Variants in VCPIP1 observed in about 807,000 individuals in gnomAD.
The protein encoded by VCPIP1 is valosin containing protein interacting protein 1.
Under a neutral mutation model 85.0 loss-of-function variants are expected in VCPIP1, and 8 were observed. The observed-to-expected ratio is 0.09, with a 90% CI of 0.06 to 0.17. The LOEUF (loss-of-function observed/expected upper bound fraction) is 0.17, where lower values mean the gene tolerates loss of function less well. VCPIP1 is among the 10% of genes least tolerant of loss of function. The pLI is 1.00. For missense variants in VCPIP1, 1,070 were observed against 1,486.3 expected (o/e 0.72, Z 4.61); for synonymous variants, 543 against 544.5 (o/e 1.00, Z 0.04).
At chr8:66,658,287 T>C (rs556531368) in intron 1 of VCPIP1, among the ~76,000 whole-genome samples, 14 of 146,578 alleles carry the variant, frequency 9.6e-5, no homozygotes, top group Admixed American at 2.8e-4. Context: ...TGAGCCGAGA[T>C]TGCACCACTG....
intron 2 of VCPIP1, among the ~76,000 whole-genome samples, chr8:66,648,681 A>G (rs145086479): frequency 2.0e-5 from 3 of 152,098 alleles, no homozygotes; most frequent in Admixed American, 1.3e-4. Context: ...CAGCCTCCCA[A>G]GTAGCTGGGA....
Position 66,643,114 on chromosome 8 carries a change from G to C in VCPIP1, c.2798-7742C>G, listed in dbSNP as rs541251253. ...GAGGTGTGCAGATCACCTGAGGTCAGGAGTTCTAGACCAGCCTGGCCAACA... is the reference window on the plus strand; with the variant it reads ...GAGGTGTGCAGATCACCTGAGGTCACGAGTTCTAGACCAGCCTGGCCAACA... On this transcript the variant is annotated intron_variant, in intron 2 of 2. Transcript: ENST00000310421. Among the ~76,000 whole-genome samples, 57 of 152,260 alleles carry C rather than the reference G, an allele frequency of 3.7e-4. 1 individual carries two copies. In the South Asian group the frequency reaches 0.012, roughly 31 times the overall value.
At chr8:66,662,181 C>T (rs1291588306) in intron 1 of VCPIP1, among the ~76,000 whole-genome samples, 6 of 152,122 alleles carry the variant, frequency 3.9e-5, no homozygotes, top group Non-Finnish European at 8.8e-5. Flanking sequence ...GTCACCTGTA[C>T]ATCAAAACTT....
At chr8:66,656,404 G>A (rs1264710506) in intron 1 of VCPIP1, among the ~76,000 whole-genome samples, 1 of 152,130 alleles carries the variant, frequency 6.6e-6, no homozygotes, top group East Asian at 1.9e-4. Flanking sequence ...TGTTGCCCAA[G>A]CTGGTCTTGA....
At chr8:66,638,875 G>A (rs1646422439) in intron 2 of VCPIP1, among the ~76,000 whole-genome samples, 1 of 151,256 alleles carries the variant, frequency 6.6e-6, no homozygotes, top group Admixed American at 6.6e-5. Flanking sequence ...GTATTATATA[G>A]TTAAAACTAA....
At chr8:66,658,277 T>C (rs1456848175) in intron 1 of VCPIP1, among the ~76,000 whole-genome samples, 1 of 145,948 alleles carries the variant, frequency 6.9e-6, no homozygotes, top group Admixed American at 7.1e-5. Flanking sequence ...GAGGTTGCAG[T>C]GAGCCGAGAT....
rs773064204 is a variant in VCPIP1 at position 66,665,771 on chromosome 8, A to T, written c.1188T>A (p.Gly396=). 3.7e-6 allele frequency: 6 copies of T among 1,614,060 alleles called. No individual in the cohort carries two copies. The highest frequency in any genetic ancestry group is 4.2e-6 in the Non-Finnish European group (5 of 1,180,024). ...KKYIKLEEDG[G]CVIGGDRSLQ... ...AACTTCTGTCACCTCCAATAACACAACCACCATCCTCTTCAAGTTTTATGT... is the reference window on the plus strand; with the variant it reads ...AACTTCTGTCACCTCCAATAACACATCCACCATCCTCTTCAAGTTTTATGT... Residue 396 remains glycine, a synonymous_variant, in exon 1 of 3, where the codon GGT becomes GGA. Coordinates refer to ENST00000310421, the MANE Select transcript of VCPIP1 (RefSeq NM_025054.5). The surrounding 1 kb of genome is among the most constrained non-coding windows in gnomAD (Gnocchi z 4.3).
rs146353153 is a variant in VCPIP1 at position 66,657,015 on chromosome 8, C to T, written c.2711-5471G>A. Among the ~76,000 whole-genome samples, 190 of 152,236 alleles carry T rather than the reference C, an allele frequency of 1.2e-3. 1 individual carries two copies. In the East Asian group the frequency reaches 0.021, roughly 17 times the overall value. ...CCACTTCCCGGGTTCAAGCAATTCT[C>T]GTGCCTCAGCCTCCCGAGTAGCTGG... is the stretch of plus-strand genomic sequence containing the variant. On this transcript the variant is annotated intron_variant, in intron 1 of 2. Transcript: ENST00000310421.
chr8:66,651,507 G>A lies in VCPIP1; in HGVS notation c.2748C>T (p.His916=). 2 of 1,613,490 alleles carry A rather than the reference G, an allele frequency of 1.2e-6. No homozygotes were observed. The highest frequency in any genetic ancestry group is 1.7e-6 in the Non-Finnish European group (2 of 1,179,842). Residue 916 remains histidine, a synonymous_variant, in exon 2 of 3, where the codon CAC becomes CAT. Coordinates refer to ENST00000310421, the MANE Select transcript of VCPIP1 (RefSeq NM_025054.5). Reference sequence around the variant, plus strand: ...AGAATACACCACCCTGCTGAAACATGTGAGGAAGTCCCTTTGCATAAGACC... The same window carrying A: ...AGAATACACCACCCTGCTGAAACATATGAGGAAGTCCCTTTGCATAAGACC... ...DVWSYAKGLP[H]MFQQGGVFYS...
rs1293728736 is a variant in VCPIP1 at position 66,638,441 on chromosome 8, C to CAT, written c.2798-3071_2798-3070dup. Among the ~76,000 whole-genome samples, 4 of 133,244 alleles carry CAT rather than the reference C, an allele frequency of 3.0e-5. No homozygotes were observed. In the South Asian group the frequency reaches 1.0e-3, roughly 33 times the overall value. 87.4% of individuals were successfully genotyped at this position (133,244 alleles called of 152,430 possible). ...GGTTGAGGCTGCAGGAAGTTGTGAT[C>CAT]ATACCACTGCGCTCCAGCCTGAGAG... On this transcript the variant is annotated intron_variant, in intron 2 of 2. Coordinates refer to ENST00000310421, the MANE Select transcript of VCPIP1 (RefSeq NM_025054.5).
chr8:66,645,759 CAAAAAAA>C (rs1179669993), intron 2 of VCPIP1, among the ~76,000 whole-genome samples: 2,230 of 57,482 alleles, frequency 0.039, 61 homozygotes, highest in African/African-American at 0.1. Flanking sequence ...CCTGTCTCTA[CAAAAAAA>C]AAAAAAAAAA....
chr8:66,654,323 A>G (rs112983199), intron 1 of VCPIP1, among the ~76,000 whole-genome samples: 11,766 of 152,282 alleles, frequency 0.077, 606 homozygotes, highest in Middle Eastern at 0.14. Context: ...TAAAAATACA[A>G]AAATTAGCCA....
rs999189497 is a variant in VCPIP1, at chr8:66,633,816, G to A, written c.*685C>T. 2.6e-5 allele frequency: 4 copies of A among 151,304 alleles called. No individual in the cohort carries two copies. The highest frequency in any genetic ancestry group is 5.9e-5 in the Non-Finnish European group (4 of 67,880). 9.4% of individuals were successfully genotyped at this position (151,304 alleles called of 1,614,324 possible). On this transcript the variant is annotated 3_prime_UTR_variant, in exon 3 of 3. Coordinates refer to ENST00000310421, the MANE Select transcript of VCPIP1 (RefSeq NM_025054.5). Reference sequence around the variant, plus strand: ...CAAAAATAATGGTAACATATTAATAGAGCACACACAATTGGCTGTGGCTCA... The same window carrying A: ...CAAAAATAATGGTAACATATTAATAAAGCACACACAATTGGCTGTGGCTCA...
Position 66,634,424 on chromosome 8 carries a change from A to C in VCPIP1, c.*77T>G, listed in dbSNP as rs1046198071. ...TATACGTACAAGATTTTTAATGACT[A>C]ATCAAGTTACGTGGCCCAGCCAACA... On this transcript the variant is annotated 3_prime_UTR_variant, in exon 3 of 3. Coordinates refer to ENST00000310421, the MANE Select transcript of VCPIP1 (RefSeq NM_025054.5). The C allele has an allele frequency of 6.8e-7, 1 of 1,470,228 alleles. No homozygotes were observed. Among genetic ancestry groups the C allele is most frequent in the Non-Finnish European group, 9.1e-7 (1 of 1,095,992 alleles). 91.1% of individuals were successfully genotyped at this position (1,470,228 alleles called of 1,614,324 possible).
rs1406135872 is a variant in VCPIP1, at chr8:66,656,467, ATAG to A, written c.2711-4926_2711-4924del. On this transcript the variant is annotated intron_variant, in intron 1 of 2. Coordinates refer to ENST00000310421, the MANE Select transcript of VCPIP1 (RefSeq NM_025054.5). Reference sequence around the variant, plus strand: ...CTTGGCCTCCCAAAGTGCTGGGATTATAGGTGTGAGCTACTGTGCCTAGCCTTC... The same window carrying A: ...CTTGGCCTCCCAAAGTGCTGGGATTAGTGTGAGCTACTGTGCCTAGCCTTC... Among the ~76,000 whole-genome samples, 3 of 152,218 alleles carry A rather than the reference ATAG, an allele frequency of 2.0e-5. No individual in the cohort carries two copies. In the East Asian group the frequency reaches 5.8e-4, roughly 29 times the overall value.
In VCPIP1 at chr8:66,665,885, C is replaced by T. The variant is rs1006576517; in HGVS notation, c.1074G>A (p.Leu358=). 3 of 1,614,012 alleles carry T rather than the reference C, an allele frequency of 1.9e-6. No individual in the cohort carries two copies. The highest frequency in any genetic ancestry group is 2.7e-5 in the African/African-American group (2 of 74,896). ...GCAAAGCAGCCCCTTTTATGCCTAC[C>T]AAGGGGATATAATGGTTTCTACCGG... ...SSSGRNHYIP[L]VGIKGAALPK... The change falls in exon 1 of 3, where the codon TTG becomes TTA. Residue 358 remains leucine (L), a synonymous_variant. Coordinates refer to ENST00000310421, the MANE Select transcript of VCPIP1 (RefSeq NM_025054.5). This position sits in a 1 kb window ranked among gnomAD's most constrained non-coding sequence, Gnocchi z 4.3.
At chr8:66,638,621 C>T (rs1251999984) in intron 2 of VCPIP1, among the ~76,000 whole-genome samples, 2 of 151,476 alleles carry the variant, frequency 1.3e-5, no homozygotes, top group Non-Finnish European at 2.9e-5. Flanking sequence ...CTACTAAAAA[C>T]ACAAAAAATT....
intron 1 of VCPIP1, among the ~76,000 whole-genome samples, chr8:66,654,952 T>C (rs1011386342): frequency 2.6e-5 from 4 of 152,224 alleles, no homozygotes; most frequent in Non-Finnish European, 5.9e-5. Flanking sequence ...TACCATACCC[T>C]TATTTTTACA....
In VCPIP1 at chr8:66,664,948, C is replaced by A. The variant is rs1277012653; in HGVS notation, c.2011G>T (p.Ala671Ser). The change falls in exon 1 of 3, where the codon GCT becomes TCT. Residue 671 changes from alanine to serine, a missense_variant. Physicochemically the swap from Ala to Ser is moderately conservative, Grantham distance 99. This residue lies in a region of VCPIP1 where 278 missense variants were observed against 298.5 expected (regional missense o/e 0.93). Transcript: ENST00000310421. ...ACATCTCCAACTCTTTGGGCGTGAG[C>A]ACCATCTATATTTACAGGAGTATAA... ...DDYTPVNIDG[A>S]HAQRVGDVQG... 1 of 1,614,120 alleles carries A rather than the reference C, an allele frequency of 6.2e-7. No homozygotes were observed. The highest frequency in any genetic ancestry group is 1.7e-5 in the Admixed American group (1 of 60,008).
Sources: gnomAD v4.1 joint callset for allele counts (sites outside exome capture counted in the v4.1 genomes callset) on GRCh38, gnomAD v4.1.1 for gene constraint, gnomAD v4.1.1 regional missense constraint, Gnocchi (gnomAD v3.1) non-coding constraint, MANE v1.5 for transcripts, NCBI Gene and HGNC (gene_info 2026-07-23, HGNC 2026-07-21) for gene names.